The following GINS1 variants were observed in gnomAD, a reference collection of about 807,000 sequenced individuals.
GINS1 encodes the protein DNA replication complex GINS protein PSF1.
A neutral mutation model predicts 34.9 loss-of-function variants in GINS1; 26 were observed. That is an observed-to-expected ratio of 0.74 (90% confidence interval 0.55 to 1.03). The LOEUF (loss-of-function observed/expected upper bound fraction) is 1.03. Ranked by LOEUF, GINS1 falls within the 50% of genes least tolerant of loss-of-function variation. GINS1 has a pLI of 0.00. For missense variants in GINS1, 235 were observed against 237.9 expected (o/e 0.99, Z 0.08); for synonymous variants, 97 against 84.4 (o/e 1.15, Z -0.82).
chr20:25,414,269 C>T (rs1275243415), intron 2 of GINS1, among the ~76,000 whole-genome samples: 2 of 148,280 alleles, frequency 1.3e-5, no homozygotes, highest in Non-Finnish European at 3.0e-5. Flanking sequence ...TAAAAATTAT[C>T]TGTAAAATTA....
intron 2 of GINS1, among the ~76,000 whole-genome samples, chr20:25,414,564 G>C (rs1245604739): frequency 6.6e-6 from 1 of 152,160 alleles, no homozygotes; most frequent in Admixed American, 6.5e-5. Flanking sequence ...GCTGGGTGTG[G>C]TGGCACACAC....
At chr20:25,421,474 C>T (rs1019702132) in intron 4 of GINS1, among the ~76,000 whole-genome samples, 1 of 152,082 alleles carries the variant, frequency 6.6e-6, no homozygotes, top group Non-Finnish European at 1.5e-5. Flanking sequence ...AAAGTAGTAA[C>T]ATCTTTTGTT....
intron 1 of GINS1, among the ~76,000 whole-genome samples, chr20:25,408,584 A>G (rs1348538962): frequency 6.6e-6 from 1 of 152,134 alleles, no homozygotes; most frequent in African/African-American, 2.4e-5. Context: ...AGGGCCCGGT[A>G]CCATGGCTCC....
At position 25,448,457 on chromosome 20, in the gene GINS1, C is replaced by T. The variant is rs1377322885; in HGVS notation, c.*2466C>T. ...AAATAGAAATACAATTGATGTTGAACTTGTATCCTTCAGCCTTGCTAAACT... is the reference window on the plus strand; with the variant it reads ...AAATAGAAATACAATTGATGTTGAATTTGTATCCTTCAGCCTTGCTAAACT... On this transcript the variant is annotated 3_prime_UTR_variant, in exon 7 of 7. Coordinates refer to ENST00000262460, the MANE Select transcript of GINS1 (RefSeq NM_021067.5). 1.3e-5 allele frequency: 2 copies of T among 152,188 alleles called. No homozygotes were observed. The highest frequency in any genetic ancestry group is 1.9e-4 in the East Asian group (1 of 5,198). 9.4% of individuals were successfully genotyped at this position (152,188 alleles called of 1,614,324 possible). A position where few individuals can be genotyped will look rare whatever the true frequency, so the allele number is the denominator to read the frequency against.
Position 25,438,512 on chromosome 20 carries a change from C to CTT in GINS1, c.448-3165_448-3164dup, listed in dbSNP as rs35305107. On this transcript the variant is annotated intron_variant, in intron 5 of 6. Coordinates refer to ENST00000262460, the MANE Select transcript of GINS1 (RefSeq NM_021067.5). ...TGCATAATGACACCAAAGAACAACA[C>CTT]TTTTTTTTTTTTTTTTTTTTTTTTT... Among the ~76,000 whole-genome samples the CTT allele has an allele frequency of 7.1e-4, 48 of 68,000 alleles. 2 individuals are homozygous for CTT. The highest frequency in any genetic ancestry group is 1.2e-3 in the African/African-American group (19 of 15,680). The allele number at this position is 68,000 out of a possible 152,430, so 44.6% of individuals were successfully genotyped here. A position where few individuals can be genotyped will look rare whatever the true frequency, so the allele number is the denominator to read the frequency against.
intron 5 of GINS1, among the ~76,000 whole-genome samples, chr20:25,441,124 A>G (rs558065976): frequency 6.6e-6 from 1 of 152,250 alleles, no homozygotes; most frequent in East Asian, 1.9e-4. Context: ...GCAGGTCTAT[A>G]ACCTGTACCT....
intron 2 of GINS1, among the ~76,000 whole-genome samples, chr20:25,414,689 G>T (rs182501804): frequency 2.0e-5 from 3 of 152,146 alleles, no homozygotes; most frequent in Middle Eastern, 3.2e-3. Flanking sequence ...GACAGAAGGA[G>T]ATCTCCATCT....
In GINS1 at chr20:25,428,969, C is replaced by CTTTTTTTTTTT. The variant is rs77113924; in HGVS notation, c.447+3669_447+3679dup. 1.3e-4 allele frequency among the ~76,000 whole-genome samples: 16 copies of CTTTTTTTTTTT among 127,508 alleles called. 2 individuals carry two copies. Among genetic ancestry groups the CTTTTTTTTTTT allele is most frequent in the Non-Finnish European group, 2.0e-4 (12 of 60,860 alleles). 83.7% of individuals were successfully genotyped at this position (127,508 alleles called of 152,430 possible). On this transcript the variant is annotated intron_variant, in intron 5 of 6. Coordinates refer to ENST00000262460, the MANE Select transcript of GINS1 (RefSeq NM_021067.5). ...GGGTCCTCCACCTTCATTCCTCTCTCTTTTTTTTTTTTTTTTTTTTTTTTT... is the reference window on the plus strand; with the variant it reads ...GGGTCCTCCACCTTCATTCCTCTCTCTTTTTTTTTTTTTTTTTTTTTTTTTTTTTTTTTTTT...
intron 6 of GINS1, among the ~76,000 whole-genome samples, chr20:25,445,515 T>G (rs2090506904): frequency 6.6e-6 from 1 of 152,154 alleles, no homozygotes; most frequent in African/African-American, 2.4e-5. Flanking sequence ...CCTGGCTAAT[T>G]TTTTTGCATT....
At chr20:25,428,711 A>G (rs905797298) in intron 5 of GINS1, among the ~76,000 whole-genome samples, 4 of 151,812 alleles carry the variant, frequency 2.6e-5, no homozygotes, top group Non-Finnish European at 5.9e-5. Context: ...GCCTCCAAGC[A>G]TAATTTCTTA....
At chr20:25,409,587 T>C (rs530859190) in intron 1 of GINS1, among the ~76,000 whole-genome samples, 1 of 152,226 alleles carries the variant, frequency 6.6e-6, no homozygotes, top group African/African-American at 2.4e-5. Flanking sequence ...GAGTTTTGTT[T>C]TGAACACTAA....
chr20:25,445,361 T>G (rs2090505633), intron 6 of GINS1, among the ~76,000 whole-genome samples: 1 of 151,766 alleles, frequency 6.6e-6, no homozygotes, highest in African/African-American at 2.4e-5. Context: ...TTTTTTTTTT[T>G]TTTGTGACAG....
intron 5 of GINS1, among the ~76,000 whole-genome samples, chr20:25,439,647 A>G (rs1009604519): frequency 1.3e-5 from 2 of 152,186 alleles, no homozygotes; most frequent in Non-Finnish European, 2.9e-5. Context: ...CTTAAAAAAA[A>G]TTCATGAGAC....
chr20:25,418,325 TTAGTA>T (rs2090334312), intron 4 of GINS1, 130 bp downstream of exon 4: 2 of 667,598 alleles, frequency 3.0e-6, no homozygotes, highest in African/African-American at 3.5e-5. Flanking sequence ...TGGCTGGTAT[TTAGTA>T]TATAATGTGA....
chr20:25,411,867 C>T (rs1197213597), intron 1 of GINS1, among the ~76,000 whole-genome samples: 3 of 151,588 alleles, frequency 2.0e-5, no homozygotes, highest in Non-Finnish European at 2.9e-5. Flanking sequence ...TGCTTGGACC[C>T]GGGAGACGGA....
chr20:25,420,691 AC>A (rs2090349381), intron 4 of GINS1, among the ~76,000 whole-genome samples: 1 of 151,646 alleles, frequency 6.6e-6, no homozygotes, highest in Non-Finnish European at 1.5e-5. Context: ...TGAGGGCAGG[AC>A]AATTGCTTGA....
rs776971771 is a variant in GINS1 at position 25,445,891 on chromosome 20, T to C, written c.523-32T>C. On this transcript the variant is annotated intron_variant, in intron 6 of 6. Coordinates refer to ENST00000262460, the MANE Select transcript of GINS1 (RefSeq NM_021067.5). ...CAAATTCTTTCCCAATCATTTATTT[T>C]ACTCTTTCTCCATCCCTTCTTGTCC... is the stretch of plus-strand genomic sequence containing the variant. 1.4e-5 allele frequency: 18 copies of C among 1,329,772 alleles called. No homozygotes were observed. In the South Asian group the frequency reaches 1.8e-4, roughly 14 times the overall value. The allele number at this position is 1,329,772 out of a possible 1,614,324, so 82.4% of individuals were successfully genotyped here.
chr20:25,427,693 C>G (rs747178285), intron 5 of GINS1, among the ~76,000 whole-genome samples: 8 of 151,918 alleles, frequency 5.3e-5, no homozygotes, highest in Non-Finnish European at 8.8e-5. Context: ...ATTTAGAAAT[C>G]CTTTATGTAT....
At chr20:25,445,200 CT>C (rs1007112705) in intron 6 of GINS1, among the ~76,000 whole-genome samples, 90 of 148,750 alleles carry the variant, frequency 6.1e-4, no homozygotes, top group African/African-American at 1.4e-3. Flanking sequence ...TATAGTTTAA[CT>C]TTTTTTTTTT....
Sources: gnomAD v4.1 joint callset for allele counts (sites outside exome capture counted in the v4.1 genomes callset) on GRCh38, gnomAD v4.1.1 for gene constraint, MANE v1.5 for transcripts, NCBI Gene and HGNC (gene_info 2026-07-23, HGNC 2026-07-21) for gene names.